ROBO1: variants seen among roughly 807,000 people sequenced by gnomAD.
The protein encoded by ROBO1 is roundabout guidance receptor 1.
In ROBO1, 149 loss-of-function variants were observed where a neutral mutation model predicts 195.9. The ratio of observed to expected loss-of-function variants is 0.76; its 90% CI spans 0.67 to 0.87. The LOEUF (loss-of-function observed/expected upper bound fraction) is 0.87. Ranked by LOEUF, ROBO1 falls within the 40% of genes least tolerant of loss-of-function variation. The probability of loss-of-function intolerance (pLI) is 0.00; values close to 1 mark genes in which losing one functional copy is unlikely to be tolerated. For missense variants in ROBO1, 1,933 were observed against 2,068.3 expected, an observed-to-expected ratio of 0.93 and a Z score of 1.27; for synonymous variants, 816 against 733.2, an observed-to-expected ratio of 1.11 and a Z score of -1.82.
intron 2 of ROBO1, among the ~76,000 whole-genome samples, chr3:79,476,117 T>C (rs897594997): frequency 2.0e-5 from 3 of 151,998 alleles, no homozygotes; most frequent in Non-Finnish European, 4.4e-5. Context: ...AAAGAAGATA[T>C]ACAAACGGCC....
At chr3:79,079,588 G>T (rs1576648553) in intron 3 of ROBO1, among the ~76,000 whole-genome samples, 1 of 151,630 alleles carries the variant, frequency 6.6e-6, no homozygotes, top group African/African-American at 2.4e-5. Flanking sequence ...TGTAGGAATT[G>T]CATTATTTTG....
At position 78,641,584 on chromosome 3, in the gene ROBO1, T is replaced by C. The variant is rs115893547; in HGVS notation, c.2883-1686A>G. On this transcript the variant is annotated intron_variant, in intron 21 of 30. Transcript: ENST00000464233. ...TTAGTTATAGGAATTCTGCATCTAG[T>C]AATCTTTTGCTTTCTTATTTTATTT... 4.9e-3 allele frequency among the ~76,000 whole-genome samples: 749 copies of C among 152,330 alleles called. 5 individuals are homozygous for C. Among genetic ancestry groups the C allele is most frequent in the African/African-American group, 0.017 (713 of 41,582 alleles).
chr3:79,764,567 T>G (rs958415614), intron 1 of ROBO1, among the ~76,000 whole-genome samples: 1 of 152,234 alleles, frequency 6.6e-6, no homozygotes, highest in Non-Finnish European at 1.5e-5. Context: ...TTTTTTTCAT[T>G]TAAAATTCAC....
intron 3 of ROBO1, among the ~76,000 whole-genome samples, chr3:79,018,139 G>A (rs1490927338): frequency 1.3e-5 from 2 of 152,192 alleles, no homozygotes; most frequent in Non-Finnish European, 2.9e-5. Flanking sequence ...AGAGTAATCT[G>A]GGCGTGCCCT....
At chr3:78,688,278 A>C (rs1472892299) in intron 9 of ROBO1, among the ~76,000 whole-genome samples, 1 of 152,232 alleles carries the variant, frequency 6.6e-6, no homozygotes, top group East Asian at 1.9e-4. Context: ...CTGAATAATT[A>C]TCATCTGTTT....
intron 3 of ROBO1, among the ~76,000 whole-genome samples, chr3:79,047,081 T>A (rs921939575): frequency 6.6e-6 from 1 of 152,020 alleles, no homozygotes; most frequent in Non-Finnish European, 1.5e-5. Flanking sequence ...GGAAGACACA[T>A]AAATTGCCTT....
chr3:79,417,711 A>G (rs756902524), intron 2 of ROBO1, among the ~76,000 whole-genome samples: 2 of 152,134 alleles, frequency 1.3e-5, no homozygotes, highest in African/African-American at 2.4e-5. Context: ...TCTCTTTTAC[A>G]TCAGTGAGGT....
At chr3:78,677,806 G>A (rs1022840397) in intron 10 of ROBO1, among the ~76,000 whole-genome samples, 1 of 152,192 alleles carries the variant, frequency 6.6e-6, no homozygotes, top group Non-Finnish European at 1.5e-5. Flanking sequence ...ATTGAACTCA[G>A]CTCTGCACCA....
chr3:78,737,721 T>C (rs1309785111), intron 5 of ROBO1, among the ~76,000 whole-genome samples: 1 of 152,132 alleles, frequency 6.6e-6, no homozygotes, highest in Non-Finnish European at 1.5e-5. Flanking sequence ...ACAGGAAAAA[T>C]TATTTTTAAG....
At chr3:78,872,202 C>T (rs2035592083) in intron 4 of ROBO1, among the ~76,000 whole-genome samples, 2 of 152,186 alleles carry the variant, frequency 1.3e-5, no homozygotes, top group South Asian at 4.1e-4. Context: ...TCTGTGACTA[C>T]TTGTTCTGAC....
At chr3:79,119,153 TAATA>T (rs1017655268) in intron 3 of ROBO1, among the ~76,000 whole-genome samples, 7 of 152,158 alleles carry the variant, frequency 4.6e-5, no homozygotes, top group African/African-American at 1.7e-4. Context: ...GAAATAGTGT[TAATA>T]AATGTGTGGA....
intron 5 of ROBO1, among the ~76,000 whole-genome samples, chr3:78,743,854 C>T (rs534838402): frequency 2.0e-5 from 3 of 152,112 alleles, no homozygotes; most frequent in Non-Finnish European, 4.4e-5. Flanking sequence ...TTGTCACTCA[C>T]AACCCATGAA....
chr3:79,480,299 G>T (rs1373098939), intron 2 of ROBO1, among the ~76,000 whole-genome samples: 1 of 151,912 alleles, frequency 6.6e-6, no homozygotes, highest in Non-Finnish European at 1.5e-5. Flanking sequence ...CAGTGAACTG[G>T]GTCTTATAGA....
At chr3:79,092,490 T>C (rs774886272) in intron 3 of ROBO1, among the ~76,000 whole-genome samples, 2 of 152,170 alleles carry the variant, frequency 1.3e-5, no homozygotes, top group Non-Finnish European at 1.5e-5. Flanking sequence ...AGAGATGTCA[T>C]TGAAGGAATT....
intron 1 of ROBO1, among the ~76,000 whole-genome samples, chr3:79,663,018 T>C (rs760226547): frequency 1.6e-4 from 24 of 152,098 alleles, no homozygotes; most frequent in Non-Finnish European, 3.4e-4. Flanking sequence ...AAATTTGATG[T>C]TAGAACTCAG....
intron 3 of ROBO1, among the ~76,000 whole-genome samples, chr3:78,987,699 A>G (rs1445969703): frequency 1.3e-5 from 2 of 152,094 alleles, no homozygotes; most frequent in African/African-American, 4.8e-5. Context: ...TTTCATAGCA[A>G]AACAGGGTGA....
chr3:79,703,824 T>A (rs1947690059), intron 1 of ROBO1, among the ~76,000 whole-genome samples: 1 of 152,008 alleles, frequency 6.6e-6, no homozygotes, highest in Non-Finnish European at 1.5e-5. Context: ...ACTTCTATTT[T>A]TGAAAATCTT....
intron 4 of ROBO1, among the ~76,000 whole-genome samples, chr3:78,850,771 T>G (rs766999215): frequency 6.6e-6 from 1 of 152,026 alleles, no homozygotes; most frequent in Non-Finnish European, 1.5e-5. Context: ...AAATTACACC[T>G]GTTATTTTCT....
At chr3:79,188,620 A>G (rs557039546) in intron 2 of ROBO1, among the ~76,000 whole-genome samples, 1 of 151,784 alleles carries the variant, frequency 6.6e-6, no homozygotes, top group African/African-American at 2.4e-5. Context: ...TCATTCTTTT[A>G]CACTTGGATT....
Sources: gnomAD v4.1 joint callset for allele counts (sites outside exome capture counted in the v4.1 genomes callset) on GRCh38, gnomAD v4.1.1 for gene constraint, MANE v1.5 for transcripts, NCBI Gene and HGNC (gene_info 2026-07-23, HGNC 2026-07-21) for gene names.